Variants in DAB1 observed in about 807,000 individuals in gnomAD.
DAB1 encodes the protein disabled homolog 1.
DAB1 carries 15 observed loss-of-function variants against 64.6 expected under a neutral mutation model. That is an observed-to-expected ratio of 0.23 (90% CI 0.16 to 0.36). The LOEUF is 0.36. Ranked by LOEUF, DAB1 falls within the 10% of genes least tolerant of loss-of-function variation. The pLI, the probability that DAB1 is intolerant of heterozygous loss-of-function variation, is 1.00. For synonymous variants in DAB1, 235 were observed against 251.9 expected, an observed-to-expected ratio of 0.93 and a Z score of 0.64; for missense variants, 596 against 706.7, an observed-to-expected ratio of 0.84 and a Z score of 1.78.
intron 6 of DAB1, among the ~76,000 whole-genome samples, chr1:57,748,944 C>T (rs554803373): frequency 6.6e-6 from 1 of 152,224 alleles, no homozygotes; most frequent in African/African-American, 2.4e-5. Context: ...AATAGAGACT[C>T]ATTGCCCACA....
Position 57,973,806 on chromosome 1 carries a change from C to T in DAB1, n.388-89644G>A, listed in dbSNP as rs528898740. Reference sequence around the variant, plus strand: ...TTCTTTCCCAGACTTTTATATTAGCCTCCAAGCAGTCTCTGTCACCATCAC... The same window carrying T: ...TTCTTTCCCAGACTTTTATATTAGCTTCCAAGCAGTCTCTGTCACCATCAC... On this transcript the variant is annotated intron_variant and non_coding_transcript_variant, in intron 5 of 20. Transcript: ENST00000485760. Among the ~76,000 whole-genome samples, 6 of 152,256 alleles carry T rather than the reference C, an allele frequency of 3.9e-5. No homozygotes were observed. The South Asian group carries it at 1.2e-3, about 32-fold the overall frequency.
chr1:57,727,182 A>G (rs1430451874), intron 6 of DAB1, among the ~76,000 whole-genome samples: 1 of 152,226 alleles, frequency 6.6e-6, no homozygotes, highest in Non-Finnish European at 1.5e-5. Flanking sequence ...TCATTATTCC[A>G]AAATATTTAC....
intron 1 of DAB1, among the ~76,000 whole-genome samples, chr1:57,381,526 C>T (rs1681374399): frequency 6.6e-6 from 1 of 152,164 alleles, no homozygotes; most frequent in Admixed American, 6.5e-5. Context: ...AGAATGCTTG[C>T]TGTGTTCTCT....
intron 3 of DAB1, among the ~76,000 whole-genome samples, chr1:58,379,134 C>T (rs1040732603): frequency 5.3e-5 from 8 of 151,728 alleles, no homozygotes; most frequent in Non-Finnish European, 7.4e-5. Context: ...AGAAATCACC[C>T]GTCTTCTGCG....
intron 5 of DAB1, among the ~76,000 whole-genome samples, chr1:58,075,242 A>G (rs991223579): frequency 3.3e-5 from 5 of 152,210 alleles, no homozygotes; most frequent in African/African-American, 9.6e-5. Context: ...AGAAGAAAAG[A>G]GGGCATGGTA....
intron 2 of DAB1, among the ~76,000 whole-genome samples, chr1:58,519,112 C>T (rs554763127): frequency 1.3e-5 from 2 of 152,212 alleles, no homozygotes; most frequent in South Asian, 2.1e-4. Flanking sequence ...TATTTGACTT[C>T]CAAGAAAGAA....
chr1:57,037,503 C>T (rs868066105), intron 9 of DAB1, among the ~76,000 whole-genome samples: 21 of 152,112 alleles, frequency 1.4e-4, no homozygotes, highest in African/African-American at 4.3e-4. Flanking sequence ...AAACACAAAA[C>T]GAAACAAAAA....
rs555772726 is a variant in DAB1, at chr1:57,583,916, G to C, written n.625+65676C>G. On this transcript the variant is annotated intron_variant and non_coding_transcript_variant, in intron 7 of 20. Transcript: ENST00000485760. ...GCTTACATGCCATTGCGGCCTTAGGGCTATGCTGTTTTCTCTAGATCTGCT... is the reference window on the plus strand; with the variant it reads ...GCTTACATGCCATTGCGGCCTTAGGCCTATGCTGTTTTCTCTAGATCTGCT... Among the ~76,000 whole-genome samples the C allele has an allele frequency of 2.8e-4, 42 of 152,268 alleles. No homozygotes were observed. The South Asian group carries it at 8.3e-3, about 30-fold the overall frequency.
At chr1:57,551,587 G>C (rs940201240) in intron 7 of DAB1, among the ~76,000 whole-genome samples, 1 of 152,146 alleles carries the variant, frequency 6.6e-6, no homozygotes, top group Non-Finnish European at 1.5e-5. Flanking sequence ...GGATGGGAGA[G>C]GGGGTGGCGT....
chr1:58,414,449 T>G (rs750813210), intron 3 of DAB1, among the ~76,000 whole-genome samples: 1 of 152,258 alleles, frequency 6.6e-6, no homozygotes, highest in Non-Finnish European at 1.5e-5. Context: ...CCATGTAGAC[T>G]GAAGCAACTC....
At chr1:57,704,878 T>TCCTTCCTTCCTTCCTTCCTTCC (rs1553121062) in intron 6 of DAB1, among the ~76,000 whole-genome samples, 1 of 146,260 alleles carries the variant, frequency 6.8e-6, no homozygotes, top group African/African-American at 2.5e-5. Context: ...GGAAATTTCT[T>TCCTTCCTTCCTTCCTTCCTTCC]TTCCTTCCTT....
At chr1:57,228,983 T>C (rs549398354) in intron 2 of DAB1, among the ~76,000 whole-genome samples, 50 of 152,258 alleles carry the variant, frequency 3.3e-4, no homozygotes, top group African/African-American at 1.1e-3. Context: ...TAGAAAGATA[T>C]GTCTATGTTC....
intron 1 of DAB1, among the ~76,000 whole-genome samples, chr1:57,305,915 G>C (rs926839247): frequency 6.8e-6 from 1 of 147,706 alleles, no homozygotes; most frequent in East Asian, 2.0e-4. Flanking sequence ...CTTGCAGTGA[G>C]CCGAGATCGA....
chr1:57,014,835 G>T, intron 12 of DAB1, 48 bp downstream of exon 12: 1 of 1,470,738 alleles, frequency 6.8e-7, no homozygotes, highest in South Asian at 1.4e-5. Flanking sequence ...CTCCAGACAT[G>T]AGTTACGGCT....
chr1:57,612,591 T>C (rs1204161350), intron 7 of DAB1, among the ~76,000 whole-genome samples: 1 of 152,082 alleles, frequency 6.6e-6, no homozygotes, highest in African/African-American at 2.4e-5. Context: ...CAGGCATTCC[T>C]AGAAGCTGGA....
chr1:57,898,762 G>A (rs1644428614), intron 5 of DAB1, among the ~76,000 whole-genome samples: 2 of 152,104 alleles, frequency 1.3e-5, no homozygotes, highest in South Asian at 4.1e-4. Flanking sequence ...GATTGTGGTG[G>A]GATTAAATGA....
rs1407278699 is a variant in DAB1, at chr1:57,302,702, C to T, written c.-136-11536G>A. 3.9e-5 allele frequency among the ~76,000 whole-genome samples: 6 copies of T among 152,090 alleles called. No homozygotes were observed. In the East Asian group the frequency reaches 7.7e-4, roughly 20 times the overall value. On this transcript the variant is annotated intron_variant, in intron 1 of 14. Coordinates refer to ENST00000371236, the MANE Select transcript of DAB1 (RefSeq NM_001365792.1). ...TACTGCAGCCTCCAACTCCTGGGTT[C>T]GAGGGATCCTCCCACCTCAACCTCC...
At chr1:57,833,561 G>C (rs1157963775) in intron 1 of DAB1, among the ~76,000 whole-genome samples, 2 of 152,172 alleles carry the variant, frequency 1.3e-5, no homozygotes, top group African/African-American at 4.8e-5. Context: ...AAAGATTAAT[G>C]TCAGGAGCAT....
At chr1:57,059,133 TATGTTCTC>T (rs1650130171) in intron 9 of DAB1, among the ~76,000 whole-genome samples, 1 of 152,236 alleles carries the variant, frequency 6.6e-6, no homozygotes, top group South Asian at 2.1e-4. Flanking sequence ...AACATGTGGA[TATGTTCTC>T]ATGTTATCTA....
Sources: gnomAD v4.1 joint callset for allele counts (sites outside exome capture counted in the v4.1 genomes callset) on GRCh38, gnomAD v4.1.1 for gene constraint, MANE v1.5 for transcripts, NCBI Gene and HGNC (gene_info 2026-07-23, HGNC 2026-07-21) for gene names.